PRDM6: variants seen among roughly 807,000 people sequenced by gnomAD.
PRDM6 encodes PR/SET domain 6.
PRDM6 carries 25 observed loss-of-function variants against 60.8 expected under a neutral mutation model. That is an observed-to-expected ratio of 0.41 (90% CI 0.30 to 0.57). The LOEUF is 0.57. Among genes scored for constraint, PRDM6 ranks in the 20% least tolerant of loss-of-function variants. The pLI is 0.27. For synonymous variants in PRDM6, 407 were observed against 357.4 expected (o/e 1.14, Z -1.57); for missense variants, 839 against 821.3 (o/e 1.02, Z -0.26).
In PRDM6 at chr5:123,089,504, AG is replaced by A. The variant is rs1763751661; in HGVS notation, c.-30del. On this transcript the variant is annotated 5_prime_UTR_variant, in exon 1 of 8. Transcript: ENST00000407847. Reference sequence around the variant, plus strand: ...GAGACACCCGCACGCACCCACCGGCAGCACCGAGTTTTCAGGTAAGGTGAGG... The same window carrying A: ...GAGACACCCGCACGCACCCACCGGCACACCGAGTTTTCAGGTAAGGTGAGG... The A allele has an allele frequency of 6.4e-6, 1 of 156,866 alleles. No individual in the cohort carries two copies. The highest frequency in any genetic ancestry group is 6.5e-5 in the Admixed American group (1 of 15,316). 9.7% of individuals were successfully genotyped at this position (156,866 alleles called of 1,614,324 possible).
intron 3 of PRDM6, among the ~76,000 whole-genome samples, chr5:123,150,147 G>A (rs2126868357): frequency 6.6e-6 from 1 of 152,006 alleles, no homozygotes; most frequent in South Asian, 2.1e-4. Context: ...TCACTTATTT[G>A]GTTTTTATAT....
Position 123,191,100 on chromosome 5 carries a change from C to G in PRDM6, c.*3899C>G, listed in dbSNP as rs774466047. Reference sequence around the variant, plus strand: ...CTGGGTCTTGGGTTTTTATGACCCCCCCTTTCAATGATAAGGCAACAAGTT... The same window carrying G: ...CTGGGTCTTGGGTTTTTATGACCCCGCCTTTCAATGATAAGGCAACAAGTT... On this transcript the variant is annotated 3_prime_UTR_variant, in exon 8 of 8. Coordinates refer to ENST00000407847, the MANE Select transcript of PRDM6 (RefSeq NM_001136239.4). 6.6e-6 allele frequency: 1 copy of G among 152,098 alleles called. No homozygotes were observed. The highest frequency in any genetic ancestry group is 1.5e-5 in the Non-Finnish European group (1 of 68,040). The allele number at this position is 152,098 out of a possible 1,614,324, so 9.4% of individuals were successfully genotyped here.
rs1766462147 is a variant in PRDM6 at position 123,193,110 on chromosome 5, T to C, written c.*5909T>C. 6.6e-6 allele frequency: 1 copy of C among 152,230 alleles called. No individual in the cohort carries two copies. The highest frequency in any genetic ancestry group is 2.1e-4 in the South Asian group (1 of 4,836). 9.4% of individuals were successfully genotyped at this position (152,230 alleles called of 1,614,324 possible). ...ATTGAAACCACAATGTATACTACTT[T>C]CCTCCAGATTCTGATTCTAATGGGC... is the stretch of plus-strand genomic sequence containing the variant. On this transcript the variant is annotated 3_prime_UTR_variant, in exon 8 of 8. Transcript: ENST00000407847.
chr5:123,187,090 C>A lies in PRDM6; in HGVS notation c.1677C>A (p.Cys559Ter). The A allele has an allele frequency of 6.4e-7, 1 of 1,550,806 alleles. No homozygotes were observed. The highest frequency in any genetic ancestry group is 8.7e-7 in the Non-Finnish European group (1 of 1,146,318). Reference sequence around the variant, plus strand: ...TTTTCTCTCTTGCCTCCACCAGGTGCGAGAGGTGTGAGAGGAGCTTCACGC... The same window carrying A: ...TTTTCTCTCTTGCCTCCACCAGGTGAGAGAGGTGTGAGAGGAGCTTCACGC... ...RTHTGEKPFK[C>*]ERCERSFTQA... Residue 559 changes from cysteine (C) to a stop codon, truncating the protein, a stop_gained, in exon 8 of 8, where the codon TGC (cysteine) becomes TGA (stop). Transcript: ENST00000407847. LOFTEE classifies it high-confidence loss of function.
chr5:123,090,361 T>C lies in PRDM6; in HGVS notation c.347T>C (p.Leu116Pro). The change falls in exon 2 of 8, where the codon CTG (leucine) becomes CCG (proline). Residue 116 changes from leucine to proline, a missense_variant. Transcript: ENST00000407847. ...CTCTCGGCCCTGCCGGTGTCGCAGCTGCCGGTGTTCGCGCCTCTAGCCGCC... is the reference window on the plus strand; with the variant it reads ...CTCTCGGCCCTGCCGGTGTCGCAGCCGCCGGTGTTCGCGCCTCTAGCCGCC... ...AGLSALPVSQ[L>P]PVFAPLAAAA... 1.5e-5 allele frequency: 22 copies of C among 1,472,748 alleles called. No homozygotes were observed. Among genetic ancestry groups the C allele is most frequent in the Non-Finnish European group, 2.0e-5 (22 of 1,117,318 alleles). The allele number at this position is 1,472,748 out of a possible 1,614,324, so 91.2% of individuals were successfully genotyped here.
intron 3 of PRDM6, among the ~76,000 whole-genome samples, chr5:123,119,104 T>C (rs1332619918): frequency 6.6e-6 from 1 of 151,886 alleles, no homozygotes; most frequent in African/African-American, 2.4e-5. Flanking sequence ...GCAGAAAAAG[T>C]TGAATAATGC....
In PRDM6 at chr5:123,150,822, G is replaced by A. The variant is rs1765354171; in HGVS notation, c.901-5062G>A. 2.0e-5 allele frequency among the ~76,000 whole-genome samples: 3 copies of A among 152,108 alleles called. No individual in the cohort carries two copies. The South Asian group carries it at 6.2e-4, about 32-fold the overall frequency. ...CAGGTCTAAACTGGAAATCTCCAAC[G>A]ACCTTTTCTGGGCCCTTTCTGTGGT... is the stretch of plus-strand genomic sequence containing the variant. On this transcript the variant is annotated intron_variant, in intron 3 of 7. Coordinates refer to ENST00000407847, the MANE Select transcript of PRDM6 (RefSeq NM_001136239.4).
chr5:123,186,366 T>C (rs1292668359), intron 7 of PRDM6, among the ~76,000 whole-genome samples: 1 of 152,228 alleles, frequency 6.6e-6, no homozygotes, highest in Non-Finnish European at 1.5e-5. Context: ...AGTCTTTTTT[T>C]GTTGTTGTTT....
At position 123,090,166 on chromosome 5, in the gene PRDM6, A is replaced by AGCCGCCGCC. The variant is rs563892036; in HGVS notation, c.159_167dup (p.Pro57_Pro59dup). ...CTCCTGAGCGCGCCGCAGCCTCTTC[A>AGCCGCCGCC]GCCGCCGCCGCCGCCCCCGCCCCCG... On this transcript the variant is annotated inframe_insertion, in exon 2 of 8. Transcript: ENST00000407847. 6.0e-6 allele frequency: 9 copies of AGCCGCCGCC among 1,489,244 alleles called. No individual in the cohort carries two copies. The highest frequency in any genetic ancestry group is 3.1e-5 in the African/African-American group (2 of 64,652). 92.3% of individuals were successfully genotyped at this position (1,489,244 alleles called of 1,614,324 possible). A position where few individuals can be genotyped will look rare whatever the true frequency, so the allele number is the denominator to read the frequency against.
rs533215776 is a variant in PRDM6 at position 123,156,707 on chromosome 5, A to G, written c.1028+696A>G. On this transcript the variant is annotated intron_variant, in intron 4 of 7. Transcript: ENST00000407847. ...TCCCCATTTCCCTTAGGGGGTCCAC[A>G]TAGGGAGGCCTCTGGGGAGCTGAGA... Among the ~76,000 whole-genome samples, 16 of 152,302 alleles carry G rather than the reference A, an allele frequency of 1.1e-4. No individual in the cohort carries two copies. The South Asian group carries it at 3.1e-3, about 30-fold the overall frequency.
At chr5:123,138,276 CA>C in intron 3 of PRDM6, among the ~76,000 whole-genome samples, 1 of 152,236 alleles carries the variant, frequency 6.6e-6, no homozygotes, top group East Asian at 1.9e-4. Flanking sequence ...CAAAAGGAAG[CA>C]GTAGTTGTTG....
intron 3 of PRDM6, among the ~76,000 whole-genome samples, chr5:123,150,333 ATGG>A (rs1765345677): frequency 1.3e-5 from 2 of 152,280 alleles, no homozygotes; most frequent in South Asian, 4.1e-4. Context: ...TCTACACCCT[ATGG>A]TCGCCCTTAA....
At chr5:123,102,814 C>T (rs1009745104) in intron 3 of PRDM6, among the ~76,000 whole-genome samples, 1 of 151,986 alleles carries the variant, frequency 6.6e-6, no homozygotes, top group African/African-American at 2.4e-5. Flanking sequence ...AAATGGATTG[C>T]TAATCTTTTC....
Position 123,151,397 on chromosome 5 carries a change from G to T in PRDM6, c.901-4487G>T, listed in dbSNP as rs578169242. 2.2e-3 allele frequency among the ~76,000 whole-genome samples: 333 copies of T among 152,262 alleles called. 1 individual carries two copies. The highest frequency in any genetic ancestry group is 7.6e-3 in the African/African-American group (314 of 41,564). The stretch of plus-strand genomic sequence containing the variant: ...TTAAGTTGTAATTCAAGTTCCTTTT[G>T]TCTGAGGTCATTAGCTCTCTTCAGG... On this transcript the variant is annotated intron_variant, in intron 3 of 7. Coordinates refer to ENST00000407847, the MANE Select transcript of PRDM6 (RefSeq NM_001136239.4).
chr5:123,147,833 C>T (rs914594899), intron 3 of PRDM6, among the ~76,000 whole-genome samples: 4 of 152,238 alleles, frequency 2.6e-5, no homozygotes, highest in African/African-American at 9.6e-5. Context: ...CTGAAGAAGA[C>T]TCCAGAATGA....
At chr5:123,153,572 A>G (rs909063474) in intron 3 of PRDM6, among the ~76,000 whole-genome samples, 3 of 152,204 alleles carry the variant, frequency 2.0e-5, no homozygotes, top group Non-Finnish European at 2.9e-5. Flanking sequence ...ACCTCATGCC[A>G]TGTGCTACAT....
At chr5:123,165,222 T>A (rs1765726970) in intron 5 of PRDM6, among the ~76,000 whole-genome samples, 1 of 152,230 alleles carries the variant, frequency 6.6e-6, no homozygotes, top group Non-Finnish European at 1.5e-5. Flanking sequence ...ATGTCTCACA[T>A]GCAACTCCAA....
chr5:123,145,429 G>A (rs1765217455), intron 3 of PRDM6, among the ~76,000 whole-genome samples: 1 of 152,196 alleles, frequency 6.6e-6, no homozygotes, highest in South Asian at 2.1e-4. Flanking sequence ...TTGAAAGAAT[G>A]CTGTCTGGGA....
rs1766460278 is a variant in PRDM6, at chr5:123,192,987, T to C, written c.*5786T>C. On this transcript the variant is annotated 3_prime_UTR_variant, in exon 8 of 8. Transcript: ENST00000407847. ...GTACTCAAGGAACCAGTTCAAGTTC[T>C]GGGGCACAATCTAGATGAAACTGTG... 6.6e-6 allele frequency: 1 copy of C among 152,196 alleles called. No homozygotes were observed. Among genetic ancestry groups the C allele is most frequent in the South Asian group, 2.1e-4 (1 of 4,824 alleles). The allele number at this position is 152,196 out of a possible 1,614,324, so 9.4% of individuals were successfully genotyped here. A position where few individuals can be genotyped will look rare whatever the true frequency, so the allele number is the denominator to read the frequency against.
Sources: allele counts gnomAD v4.1 joint callset (sites outside exome capture counted in the v4.1 genomes callset), GRCh38; gene constraint gnomAD v4.1.1; transcripts MANE v1.5; gene names NCBI Gene and HGNC (gene_info 2026-07-23, HGNC 2026-07-21).